The following DDX19B variants were observed in gnomAD, a reference collection of about 807,000 sequenced individuals.
DDX19B encodes the protein ATP-dependent RNA helicase DDX19B.
A neutral mutation model predicts 58.1 loss-of-function variants in DDX19B; 27 were observed. That is an observed-to-expected ratio of 0.46 (90% confidence interval 0.34 to 0.64). The LOEUF (loss-of-function observed/expected upper bound fraction) is 0.64, where lower values mean the gene tolerates loss of function less well. DDX19B is among the 30% of genes least tolerant of loss of function. DDX19B has a pLI of 0.01. For synonymous variants in DDX19B, 187 were observed against 214.4 expected, an observed-to-expected ratio of 0.87 and a Z score of 1.12; for missense variants, 399 against 596.5, an observed-to-expected ratio of 0.67 and a Z score of 3.45.
At chr16:70,317,694 C>A in intron 5 of DDX19B, 106 bp downstream of exon 5, 1 of 918,138 alleles carries the variant, frequency 1.1e-6, no homozygotes. Flanking sequence ...ATCCCAGCAA[C>A]CTGAGAGGCA....
In DDX19B at chr16:70,335,206, T is replaced by C; in HGVS notation, c.*1624T>C. 6.6e-6 allele frequency: 1 copy of C among 152,198 alleles called. No homozygotes were observed. The allele number at this position is 152,198 out of a possible 1,614,324, so 9.4% of individuals were successfully genotyped here. A position where few individuals can be genotyped will look rare whatever the true frequency, so the allele number is the denominator to read the frequency against. Reference sequence around the variant, plus strand: ...GGAATTCTTGTAATAAGAAAAGAAATTTTTATACTTTTTTCTCCTTCCCTG... The same window carrying C: ...GGAATTCTTGTAATAAGAAAAGAAACTTTTATACTTTTTTCTCCTTCCCTG... On this transcript the variant is annotated 3_prime_UTR_variant, in exon 12 of 12. Coordinates refer to ENST00000288071, the MANE Select transcript of DDX19B (RefSeq NM_007242.7).
chr16:70,330,908 G>C (rs553851935), intron 9 of DDX19B, among the ~76,000 whole-genome samples: 203 of 152,104 alleles, frequency 1.3e-3, no homozygotes, highest in Non-Finnish European at 3.7e-4. Flanking sequence ...AGCCAGGCGT[G>C]GTGGTGCATG....
intron 5 of DDX19B, among the ~76,000 whole-genome samples, chr16:70,323,149 G>C (rs1962942248): frequency 1.3e-5 from 2 of 152,066 alleles, no homozygotes; most frequent in Non-Finnish European, 2.9e-5. Flanking sequence ...CTGGAGTACA[G>C]TGGTGCAGTC....
At chr16:70,290,871 G>A (rs534190763), upstream of DDX19B, among the ~76,000 whole-genome samples, 16 of 152,218 alleles carry the variant, frequency 1.1e-4, 1 homozygote, top group African/African-American at 3.9e-4. Flanking sequence ...CCAAACCTGT[G>A]TCTATTTAAC....
chr16:70,306,959 A>G (rs1381600520), intron 1 of DDX19B, among the ~76,000 whole-genome samples: 1 of 152,190 alleles, frequency 6.6e-6, no homozygotes, highest in Non-Finnish European at 1.5e-5. Flanking sequence ...ATTTCATATA[A>G]ATGGGAACAT....
At chr16:70,291,544 C>T (rs904791548), upstream of DDX19B, among the ~76,000 whole-genome samples, 11 of 152,180 alleles carry the variant, frequency 7.2e-5, no homozygotes, top group Admixed American at 6.5e-5. Context: ...CGTGGTGACT[C>T]ATGCCTGTAA....
At chr16:70,324,362 CAAAAAA>C (rs57977602) in intron 5 of DDX19B, among the ~76,000 whole-genome samples, 2 of 48,852 alleles carry the variant, frequency 4.1e-5, no homozygotes, top group African/African-American at 1.5e-4. Flanking sequence ...GACCTAATCT[CAAAAAA>C]AAAAAAAAAA....
rs1962367853 is a variant in DDX19B at position 70,315,809 on chromosome 16, T to C, written c.161-160T>C. The C allele has an allele frequency of 2.9e-6, 3 of 1,052,532 alleles. No individual in the cohort carries two copies. In the Admixed American group the frequency reaches 8.9e-5, roughly 31 times the overall value. The allele number at this position is 1,052,532 out of a possible 1,614,324, so 65.2% of individuals were successfully genotyped here. A position where few individuals can be genotyped will look rare whatever the true frequency, so the allele number is the denominator to read the frequency against. Reference sequence around the variant, plus strand: ...GGTGATGTATCATAACTTTTTTCTTTAATAAAACTATTTTAATTTATAAGT... The same window carrying C: ...GGTGATGTATCATAACTTTTTTCTTCAATAAAACTATTTTAATTTATAAGT... On this transcript the variant is annotated intron_variant, in intron 3 of 11. Transcript: ENST00000288071.
intron 5 of DDX19B, among the ~76,000 whole-genome samples, chr16:70,323,486 C>T (rs1412742692): frequency 4.0e-5 from 6 of 150,600 alleles, no homozygotes; most frequent in South Asian, 2.1e-4. Flanking sequence ...TACAGTGGCG[C>T]GATCTCGGCT....
upstream of DDX19B, chr16:70,294,826 A>G (rs1424166667): frequency 6.1e-6 from 9 of 1,480,368 alleles, no homozygotes; most frequent in Admixed American, 1.5e-4. Flanking sequence ...GTTGGAGTGT[A>G]ACTGCCATGC....
At chr16:70,298,760 A>C (rs953811112), upstream of DDX19B, among the ~76,000 whole-genome samples, 1 of 152,144 alleles carries the variant, frequency 6.6e-6, no homozygotes, top group African/African-American at 2.4e-5. Flanking sequence ...GTTTTGTTAC[A>C]TGCCTAACAA....
upstream of DDX19B, among the ~76,000 whole-genome samples, chr16:70,293,365 C>T (rs1045863453): frequency 1.8e-4 from 26 of 146,722 alleles, no homozygotes; most frequent in Non-Finnish European, 3.6e-4. Flanking sequence ...ATGCAGTAAG[C>T]CATGATCGTG....
upstream of DDX19B, among the ~76,000 whole-genome samples, chr16:70,298,457 C>G (rs1380727275): frequency 6.6e-6 from 1 of 151,690 alleles, no homozygotes; most frequent in South Asian, 2.1e-4. Context: ...AGCCACCACA[C>G]CTAGCTCTAT....
At chr16:70,306,042 C>T (rs1222921353) in intron 1 of DDX19B, among the ~76,000 whole-genome samples, 1 of 152,160 alleles carries the variant, frequency 6.6e-6, no homozygotes, top group East Asian at 1.9e-4. Context: ...GGATTACAGG[C>T]ATGACCCACA....
intron 1 of DDX19B, among the ~76,000 whole-genome samples, chr16:70,303,296 C>T (rs1163101767): frequency 4.6e-5 from 7 of 152,000 alleles, no homozygotes; most frequent in African/African-American, 1.4e-4. Context: ...CACAGGCATG[C>T]GCCACCACAT....
chr16:70,327,063 T>A (rs1014471428), intron 7 of DDX19B, among the ~76,000 whole-genome samples: 1 of 150,254 alleles, frequency 6.7e-6, no homozygotes, highest in African/African-American at 2.4e-5. Context: ...CTCTATCTGC[T>A]GACCTCGTGA....
Position 70,329,884 on chromosome 16 carries a change from C to G in DDX19B, c.839C>G (p.Ser280Cys), listed in dbSNP as rs1963388729. The change falls in exon 9 of 12, where the codon TCT becomes TGT. Residue 280 changes from serine to cysteine, a missense_variant. By Grantham distance (112) the Ser-to-Cys change is moderately radical. Transcript: ENST00000288071. Reference protein sequence around the residue: ...MLLFSATFEDSVWKFAQKVVP... With the variant: ...MLLFSATFEDCVWKFAQKVVP... ...CTTTTCTCCGCCACCTTTGAAGACT[C>G]TGTGTGGAAGTTTGCCCAGAAAGTG... 1.2e-6 allele frequency: 2 copies of G among 1,614,116 alleles called. No homozygotes were observed. The highest frequency in any genetic ancestry group is 1.7e-6 in the Non-Finnish European group (2 of 1,180,060).
At chr16:70,303,736 T>A (rs1430138959) in intron 1 of DDX19B, among the ~76,000 whole-genome samples, 1 of 151,888 alleles carries the variant, frequency 6.6e-6, no homozygotes, top group African/African-American at 2.4e-5. Flanking sequence ...TTTTTTTGTA[T>A]TTTTAGTAGA....
At chr16:70,299,461 G>C (rs377437705) in intron 1 of DDX19B, 107 bp downstream of exon 1, 4 of 1,322,926 alleles carry the variant, frequency 3.0e-6, no homozygotes, top group Non-Finnish European at 4.1e-6. Flanking sequence ...ATGGGGTGGC[G>C]GGGAGGATAG....
Sources: gnomAD v4.1 joint callset for allele counts (sites outside exome capture counted in the v4.1 genomes callset) on GRCh38, gnomAD v4.1.1 for gene constraint, MANE v1.5 for transcripts, NCBI Gene and HGNC (gene_info 2026-07-23, HGNC 2026-07-21) for gene names.